The following GALNTL6 variants were observed in gnomAD, a reference collection of about 807,000 sequenced individuals.
GALNTL6 encodes polypeptide N-acetylgalactosaminyltransferase-like 6.
Under a neutral mutation model 73.7 loss-of-function variants are expected in GALNTL6, and 46 were observed. The ratio of observed to expected loss-of-function variants is 0.62; its 90% confidence interval spans 0.49 to 0.80. The LOEUF (loss-of-function observed/expected upper bound fraction) is 0.80, where lower values mean the gene tolerates loss of function less well. Among genes scored for constraint, GALNTL6 ranks in the 30% least tolerant of loss-of-function variants. GALNTL6 has a pLI of 0.00. For missense variants in GALNTL6, 604 were observed against 755.0 expected (o/e 0.80, Z 2.34); for synonymous variants, 259 against 263.7 (o/e 0.98, Z 0.17).
In GALNTL6 at chr4:172,529,486, G is replaced by C. The variant is rs1424405248; in HGVS notation, c.553+180797G>C. Reference sequence around the variant, plus strand: ...TAATAAATGAGGTGGGTGTGTGTATGTGTGCAATATCATAGAATGTTTTGA... The same window carrying C: ...TAATAAATGAGGTGGGTGTGTGTATCTGTGCAATATCATAGAATGTTTTGA... On this transcript the variant is annotated intron_variant, in intron 5 of 12. Transcript: ENST00000506823. 3.3e-5 allele frequency among the ~76,000 whole-genome samples: 5 copies of C among 152,018 alleles called. No individual in the cohort carries two copies. In the East Asian group the frequency reaches 9.6e-4, roughly 29 times the overall value.
chr4:172,402,321 G>A (rs1744072038), intron 5 of GALNTL6, among the ~76,000 whole-genome samples: 1 of 151,884 alleles, frequency 6.6e-6, no homozygotes. Flanking sequence ...TCAACTGGTA[G>A]GCTCAGCATT....
At chr4:171,873,074 AG>A (rs1736182726) in intron 2 of GALNTL6, among the ~76,000 whole-genome samples, 1 of 152,204 alleles carries the variant, frequency 6.6e-6, no homozygotes, top group Non-Finnish European at 1.5e-5. Context: ...TGTGCGCTCA[AG>A]GCCAGCATTT....
At position 172,166,405 on chromosome 4, in the gene GALNTL6, T is replaced by G. The variant is rs192212151; in HGVS notation, c.139-63251T>G. ...AGGTTGCAGTGAGCCGAGATCACAT[T>G]GCTGCACTCCAGCCTGGGTGACAGA... On this transcript the variant is annotated intron_variant, in intron 2 of 12. Coordinates refer to ENST00000506823, the MANE Select transcript of GALNTL6 (RefSeq NM_001034845.3). 4.4e-4 allele frequency among the ~76,000 whole-genome samples: 67 copies of G among 151,990 alleles called. No individual in the cohort carries two copies. The East Asian group carries it at 9.5e-3, about 22-fold the overall frequency.
intron 2 of GALNTL6, among the ~76,000 whole-genome samples, chr4:172,090,503 T>C (rs1732172838): frequency 1.3e-5 from 2 of 152,356 alleles, no homozygotes; most frequent in African/African-American, 2.4e-5. Context: ...TGTCTTCTTT[T>C]GAGAAGTGTC....
At chr4:171,816,687 A>T (rs1734535038) in intron 2 of GALNTL6, among the ~76,000 whole-genome samples, 1 of 152,030 alleles carries the variant, frequency 6.6e-6, no homozygotes, top group South Asian at 2.1e-4. Context: ...CTTTTTATAG[A>T]TTAAAAAATA....
rs112887863 is a variant in GALNTL6, at chr4:172,720,272, G to A, written c.554-89089G>A. ...ACAGTTTAAAGGGTGAGTAAAGCAG[G>A]GTTTTATTGAGTGAAAAGGGAATAA... On this transcript the variant is annotated intron_variant, in intron 5 of 12. Coordinates refer to ENST00000506823, the MANE Select transcript of GALNTL6 (RefSeq NM_001034845.3). Among the ~76,000 whole-genome samples, 1,350 of 152,146 alleles carry A rather than the reference G, an allele frequency of 8.9e-3. 23 individuals are homozygous for A. Among genetic ancestry groups the A allele is most frequent in the African/African-American group, 0.031 (1,298 of 41,498 alleles).
intron 2 of GALNTL6, among the ~76,000 whole-genome samples, chr4:171,946,560 G>A (rs1036575969): frequency 6.6e-6 from 1 of 152,122 alleles, no homozygotes; most frequent in African/African-American, 2.4e-5. Flanking sequence ...AAGCCTCATC[G>A]AGCTCGTCTT....
Position 173,021,360 on chromosome 4 carries a change from T to C in GALNTL6, c.1489-116T>C, listed in dbSNP as rs1474066895. 6 of 1,044,862 alleles carry C rather than the reference T, an allele frequency of 5.7e-6. No homozygotes were observed. The African/African-American group carries it at 7.9e-5, about 14-fold the overall frequency. The allele number at this position is 1,044,862 out of a possible 1,614,324, so 64.7% of individuals were successfully genotyped here. ...CTGTTAGGCTGAGACTTAGCTCTTT[T>C]TGGCAGATCACAAAGCAGGAGTTCT... On this transcript the variant is annotated intron_variant, in intron 11 of 12. Coordinates refer to ENST00000506823, the MANE Select transcript of GALNTL6 (RefSeq NM_001034845.3).
chr4:172,358,879 A>C lies in GALNTL6; in HGVS notation c.553+10190A>C, dbSNP rs1039289470. Among the ~76,000 whole-genome samples the C allele has an allele frequency of 4.8e-3, 607 of 127,178 alleles. 4 individuals are homozygous for C. Among genetic ancestry groups the C allele is most frequent in the African/African-American group, 0.016 (574 of 36,866 alleles). The allele number at this position is 127,178 out of a possible 152,430, so 83.4% of individuals were successfully genotyped here. On this transcript the variant is annotated intron_variant, in intron 5 of 12. Coordinates refer to ENST00000506823, the MANE Select transcript of GALNTL6 (RefSeq NM_001034845.3). ...AGTCAAAAAAAAAAAAAAAAAAAAA[A>C]AAACAGAGGCTGGTGAGGTTCAGAG...
chr4:172,849,474 T>A (rs1743695620), intron 7 of GALNTL6, among the ~76,000 whole-genome samples: 1 of 152,162 alleles, frequency 6.6e-6, no homozygotes, highest in Admixed American at 6.6e-5. Context: ...GAATAGGCTC[T>A]CAAAAAATGT....
chr4:172,876,081 T>TTGG (rs1210918245), intron 7 of GALNTL6, among the ~76,000 whole-genome samples: 1 of 152,214 alleles, frequency 6.6e-6, no homozygotes, highest in Non-Finnish European at 1.5e-5. Flanking sequence ...GTTTAATGCC[T>TTGG]TATATAATTG....
At position 172,580,021 on chromosome 4, in the gene GALNTL6, A is replaced by G. The variant is rs1737116470; in HGVS notation, c.554-229340A>G. ...ATCCTGTCAAAAATTTAAGATTAAA[A>G]TGGCCTCAAGATGATAGGACACCCA... On this transcript the variant is annotated intron_variant, in intron 5 of 12. Coordinates refer to ENST00000506823, the MANE Select transcript of GALNTL6 (RefSeq NM_001034845.3). Among the ~76,000 whole-genome samples, 2 of 152,218 alleles carry G rather than the reference A, an allele frequency of 1.3e-5. 1 individual carries two copies. The highest frequency in any genetic ancestry group is 4.1e-4 in the South Asian group (2 of 4,834).
intron 5 of GALNTL6, among the ~76,000 whole-genome samples, chr4:172,551,453 A>C (rs1157160044): frequency 6.6e-6 from 1 of 152,000 alleles, no homozygotes; most frequent in Non-Finnish European, 1.5e-5. Context: ...ATATTTTTAA[A>C]ATAATATAAA....
At position 172,388,944 on chromosome 4, in the gene GALNTL6, A is replaced by G. The variant is rs146078619; in HGVS notation, c.553+40255A>G. Among the ~76,000 whole-genome samples the G allele has an allele frequency of 3.9e-4, 59 of 152,168 alleles. 3 individuals carry two copies. In the East Asian group the frequency reaches 0.011, roughly 29 times the overall value. On this transcript the variant is annotated intron_variant, in intron 5 of 12. Coordinates refer to ENST00000506823, the MANE Select transcript of GALNTL6 (RefSeq NM_001034845.3). ...CTGTGCTATATCTATATCTATATCT[A>G]TATTTTTGGTGAACTTTATTTTCTT... is the stretch of plus-strand genomic sequence containing the variant.
intron 5 of GALNTL6, among the ~76,000 whole-genome samples, chr4:172,404,377 G>A (rs956282968): frequency 1.4e-4 from 21 of 152,014 alleles, no homozygotes; most frequent in Admixed American, 5.9e-4. Flanking sequence ...ACCTAGTGCT[G>A]AGAAACACAC....
chr4:172,484,017 G>A (rs1733585280), intron 5 of GALNTL6, among the ~76,000 whole-genome samples: 1 of 152,184 alleles, frequency 6.6e-6, no homozygotes, highest in African/African-American at 2.4e-5. Flanking sequence ...CGAAGGAAAA[G>A]TTTAATCTTT....
chr4:172,373,301 A>C, intron 5 of GALNTL6, among the ~76,000 whole-genome samples: 1 of 152,200 alleles, frequency 6.6e-6, no homozygotes, highest in East Asian at 1.9e-4. Flanking sequence ...AGAACAGTGA[A>C]TCATTCTGCT....
At chr4:172,978,990 T>C (rs1035275296) in intron 10 of GALNTL6, among the ~76,000 whole-genome samples, 4 of 152,266 alleles carry the variant, frequency 2.6e-5, no homozygotes, top group Admixed American at 2.0e-4. Context: ...TAGAGTTTGT[T>C]GAGGATTAAC....
At chr4:172,739,782 C>A (rs560650888) in intron 5 of GALNTL6, among the ~76,000 whole-genome samples, 1 of 151,638 alleles carries the variant, frequency 6.6e-6, no homozygotes, top group South Asian at 2.1e-4. Context: ...GGCTGAGAAA[C>A]AACATAGAGT....
Sources: allele counts gnomAD v4.1 joint callset (sites outside exome capture counted in the v4.1 genomes callset), GRCh38; gene constraint gnomAD v4.1.1; transcripts MANE v1.5; gene names NCBI Gene and HGNC (gene_info 2026-07-23, HGNC 2026-07-21).